Variants in DPF3 observed in about 807,000 individuals in gnomAD.
DPF3 encodes double PHD fingers 3, also known as zinc finger protein DPF3.
DPF3 carries 18 observed loss-of-function variants against 56.8 expected under a neutral mutation model. The observed-to-expected ratio is 0.32, with a 90% confidence interval of 0.22 to 0.47. The LOEUF (loss-of-function observed/expected upper bound fraction) is 0.47, where lower values mean the gene tolerates loss of function less well. DPF3 is among the 20% of genes least tolerant of loss of function. The pLI, the probability that DPF3 is intolerant of heterozygous loss-of-function variation, is 1.00. For synonymous variants in DPF3, 188 were observed against 180.2 expected, an observed-to-expected ratio of 1.04 and a Z score of -0.35; for missense variants, 403 against 488.8, an observed-to-expected ratio of 0.82 and a Z score of 1.65.
At position 72,690,640 on chromosome 14, in the gene DPF3, C is replaced by G. The variant is rs368623118; in HGVS notation, c.742+2436G>C. ...GCACACACACACACATACACGCACA[C>G]ACACGCATAGACACACACACACCCG... On this transcript the variant is annotated intron_variant, in intron 7 of 10. Coordinates refer to ENST00000556509, the MANE Select transcript of DPF3 (RefSeq NM_001280542.3). Among the ~76,000 whole-genome samples the G allele has an allele frequency of 1.6e-4, 25 of 152,026 alleles. No homozygotes were observed. The East Asian group carries it at 4.6e-3, about 28-fold the overall frequency.
chr14:72,878,244 G>A (rs1209567979), intron 1 of DPF3, among the ~76,000 whole-genome samples: 1 of 152,094 alleles, frequency 6.6e-6, no homozygotes, highest in Non-Finnish European at 1.5e-5. Context: ...TTATTTGGAG[G>A]ACATACAAAA....
At chr14:72,626,892 T>G (rs1884865662) in intron 9 of DPF3, among the ~76,000 whole-genome samples, 1 of 151,954 alleles carries the variant, frequency 6.6e-6, no homozygotes, top group African/African-American at 2.4e-5. Context: ...AAATGATATC[T>G]CAGCTTTGAG....
intron 8 of DPF3, among the ~76,000 whole-genome samples, chr14:72,668,765 G>A (rs998713643): frequency 4.6e-5 from 7 of 152,146 alleles, no homozygotes; most frequent in Admixed American, 2.6e-4. Flanking sequence ...TCAAATGAGA[G>A]TGTAGATTGG....
At chr14:72,732,908 C>CTGTT (rs1889728389) in intron 3 of DPF3, among the ~76,000 whole-genome samples, 1 of 147,490 alleles carries the variant, frequency 6.8e-6, no homozygotes, top group Admixed American at 6.9e-5. Flanking sequence ...TTCTTTCTTT[C>CTGTT]TCTTTCTTTC....
chr14:72,699,517 CAAAAAAA>C (rs35540991), intron 6 of DPF3, among the ~76,000 whole-genome samples: 54 of 61,606 alleles, frequency 8.8e-4, no homozygotes, highest in South Asian at 5.0e-3. Context: ...GATTCTGTCT[CAAAAAAA>C]AAAAAAAAAA....
At chr14:72,643,553 G>C (rs918373613) in intron 8 of DPF3, among the ~76,000 whole-genome samples, 1 of 152,218 alleles carries the variant, frequency 6.6e-6, no homozygotes, top group African/African-American at 2.4e-5. Flanking sequence ...CTGGGCTTCG[G>C]CTCCTGACAG....
intron 1 of DPF3, among the ~76,000 whole-genome samples, chr14:72,805,071 C>CACACACACACACACACACACACACAA (rs1434206447): frequency 1.4e-5 from 2 of 146,286 alleles, no homozygotes; most frequent in East Asian, 3.9e-4. Context: ...CACACACAAA[C>CACACACACACACACACACACACACAA]ACACAGACAC....
chr14:72,624,876 A>G (rs975828045), intron 9 of DPF3, among the ~76,000 whole-genome samples: 3 of 152,254 alleles, frequency 2.0e-5, no homozygotes, highest in African/African-American at 7.2e-5. Context: ...ATACCACTAA[A>G]GTAATGTTGT....
intron 1 of DPF3, among the ~76,000 whole-genome samples, chr14:72,877,346 C>T (rs1365778442): frequency 6.6e-6 from 1 of 152,042 alleles, no homozygotes; most frequent in African/African-American, 2.4e-5. Context: ...ACTATCCAGA[C>T]CAGTTCCTCT....
chr14:72,743,015 G>A (rs899863314), intron 3 of DPF3, among the ~76,000 whole-genome samples: 3 of 152,160 alleles, frequency 2.0e-5, no homozygotes, highest in Admixed American at 1.3e-4. Context: ...AGCCACTGTC[G>A]TCTTCGGGGT....
intron 3 of DPF3, among the ~76,000 whole-genome samples, chr14:72,738,066 C>T (rs1168983045): frequency 3.9e-5 from 6 of 152,190 alleles, no homozygotes; most frequent in Admixed American, 3.9e-4. Flanking sequence ...TTTCATTTAT[C>T]CCCATCAGAC....
At chr14:72,870,063 A>T (rs892788277) in intron 1 of DPF3, among the ~76,000 whole-genome samples, 1 of 152,120 alleles carries the variant, frequency 6.6e-6, no homozygotes, top group Non-Finnish European at 1.5e-5. Flanking sequence ...CATGGAAAAA[A>T]CTTTGGACAG....
chr14:72,832,593 T>C lies in DPF3; in HGVS notation c.33-60700A>G, dbSNP rs565248839. 1.5e-3 allele frequency among the ~76,000 whole-genome samples: 207 copies of C among 138,436 alleles called. 1 individual carries two copies. Among genetic ancestry groups the C allele is most frequent in the African/African-American group, 6.6e-3 (194 of 29,246 alleles). 90.8% of individuals were successfully genotyped at this position (138,436 alleles called of 152,430 possible). A position where few individuals can be genotyped will look rare whatever the true frequency, so the allele number is the denominator to read the frequency against. ...TGCAAAAAGTAAAGTAACCATGAAC[T>C]ACAGATAGGGCAAATGTCAGAATTT... On this transcript the variant is annotated intron_variant, in intron 1 of 10. Coordinates refer to ENST00000556509, the MANE Select transcript of DPF3 (RefSeq NM_001280542.3).
chr14:72,893,118 C>T (rs1371826087), intron 1 of DPF3, among the ~76,000 whole-genome samples: 2 of 152,216 alleles, frequency 1.3e-5, no homozygotes, highest in Non-Finnish European at 2.9e-5. Flanking sequence ...CCACTCTGTC[C>T]AGGATCTGGG....
intron 1 of DPF3, among the ~76,000 whole-genome samples, chr14:72,803,177 A>G (rs1296457935): frequency 4.6e-5 from 7 of 152,236 alleles, no homozygotes; most frequent in Non-Finnish European, 1.5e-5. Context: ...GTTTGTGTCC[A>G]TAGAATCTCA....
At chr14:72,796,914 AT>A (rs1226860790) in intron 1 of DPF3, among the ~76,000 whole-genome samples, 2 of 152,074 alleles carry the variant, frequency 1.3e-5, no homozygotes, top group Non-Finnish European at 2.9e-5. Context: ...GGTCTTCCCA[AT>A]GGGGTAAGGC....
At chr14:72,802,689 T>A (rs1567237887) in intron 1 of DPF3, among the ~76,000 whole-genome samples, 1 of 152,246 alleles carries the variant, frequency 6.6e-6, no homozygotes, top group African/African-American at 2.4e-5. Flanking sequence ...GATTCTTTTT[T>A]AAATATACAC....
At chr14:72,775,418 A>G (rs949712652) in intron 1 of DPF3, among the ~76,000 whole-genome samples, 1 of 152,204 alleles carries the variant, frequency 6.6e-6, no homozygotes, top group Non-Finnish European at 1.5e-5. Flanking sequence ...AAGAAACTGA[A>G]CTTGCTAAAA....
At chr14:72,741,734 T>C (rs918483881) in intron 3 of DPF3, among the ~76,000 whole-genome samples, 6 of 152,222 alleles carry the variant, frequency 3.9e-5, no homozygotes, top group African/African-American at 1.4e-4. Flanking sequence ...GGGATACAGA[T>C]GAAGAAACAG....
Sources: gnomAD v4.1 joint callset for allele counts (sites outside exome capture counted in the v4.1 genomes callset) on GRCh38, gnomAD v4.1.1 for gene constraint, MANE v1.5 for transcripts, NCBI Gene and HGNC (gene_info 2026-07-23, HGNC 2026-07-21) for gene names.